SND1: variants seen among roughly 807,000 people sequenced by gnomAD.
The protein encoded by SND1 is staphylococcal nuclease and tudor domain containing 1, also known as staphylococcal nuclease domain-containing protein 1.
SND1 carries 38 observed loss-of-function variants against 121.7 expected under a neutral mutation model. The ratio of observed to expected loss-of-function variants is 0.31; its 90% CI spans 0.24 to 0.41. The LOEUF (loss-of-function observed/expected upper bound fraction) is 0.41, where lower values mean the gene tolerates loss of function less well. Among genes scored for constraint, SND1 ranks in the 10% least tolerant of loss-of-function variants. SND1 has a pLI of 1.00. For missense variants in SND1, 868 were observed against 1,184.6 expected (o/e 0.73, Z 3.92); for synonymous variants, 401 against 447.4 (o/e 0.90, Z 1.31).
chr7:127,954,415 G>T (rs1365692001), intron 15 of SND1, among the ~76,000 whole-genome samples: 1 of 152,080 alleles, frequency 6.6e-6, no homozygotes, highest in Non-Finnish European at 1.5e-5. Context: ...CTTGAGTTGT[G>T]CTTCTCCTTG....
intron 13 of SND1, 25 bp downstream of exon 13, chr7:127,888,037 A>G: frequency 6.6e-7 from 1 of 1,520,978 alleles, no homozygotes; most frequent in East Asian, 2.3e-5. Flanking sequence ...TACTAAACAC[A>G]TGGGGAACCC....
At chr7:128,016,790 A>G (rs1474374664) in intron 16 of SND1, among the ~76,000 whole-genome samples, 1 of 152,144 alleles carries the variant, frequency 6.6e-6, no homozygotes, top group African/African-American at 2.4e-5. Flanking sequence ...TTCCTGTTAC[A>G]ATTGTTACTT....
At chr7:127,707,688 G>T (rs1796224905) in intron 9 of SND1, 41 bp downstream of exon 9, 1 of 1,496,216 alleles carries the variant, frequency 6.7e-7, no homozygotes, top group Admixed American at 1.7e-5. Flanking sequence ...AGTGGACATT[G>T]CCAGGCGAGT....
chr7:127,677,010 G>A (rs1177129675), intron 1 of SND1, among the ~76,000 whole-genome samples: 1 of 152,228 alleles, frequency 6.6e-6, no homozygotes, highest in Non-Finnish European at 1.5e-5. Context: ...CCAAAGTGTT[G>A]GGATTACAGG....
intron 14 of SND1, among the ~76,000 whole-genome samples, chr7:127,927,458 C>T (rs1800864332): frequency 6.6e-6 from 1 of 152,162 alleles, no homozygotes; most frequent in Non-Finnish European, 1.5e-5. Flanking sequence ...GCTTTCTTTC[C>T]CATGGAGCAT....
chr7:127,753,902 G>A (rs1171677287), intron 10 of SND1, among the ~76,000 whole-genome samples: 1 of 152,158 alleles, frequency 6.6e-6, no homozygotes, highest in Non-Finnish European at 1.5e-5. Flanking sequence ...ATCTCAGTGA[G>A]GAAGTAAGAT....
rs777331015 is a variant in SND1 at position 127,801,976 on chromosome 7, G to A, written c.1153-5508G>A. Among the ~76,000 whole-genome samples the A allele has an allele frequency of 8.7e-4, 132 of 152,094 alleles. 2 individuals are homozygous for A. The highest frequency in any genetic ancestry group is 1.6e-4 in the Non-Finnish European group (11 of 68,006). ...CCTGCCTCAGCCTCCCGAGTAGCTGGGACTACAGGCACCCACCACCATGCT... is the reference window on the plus strand; with the variant it reads ...CCTGCCTCAGCCTCCCGAGTAGCTGAGACTACAGGCACCCACCACCATGCT... On this transcript the variant is annotated intron_variant, in intron 10 of 23. Transcript: ENST00000354725.
chr7:127,925,707 G>A (rs1198575086), intron 14 of SND1, among the ~76,000 whole-genome samples: 1 of 151,164 alleles, frequency 6.6e-6, no homozygotes, highest in East Asian at 1.9e-4. Context: ...AGGTTCAAGC[G>A]ATTCTCCTGC....
At chr7:127,974,418 GAC>G (rs1390580134) in intron 15 of SND1, among the ~76,000 whole-genome samples, 1 of 152,164 alleles carries the variant, frequency 6.6e-6, no homozygotes, top group African/African-American at 2.4e-5. Flanking sequence ...CCAAATAGAA[GAC>G]AGAGTTGCTT....
At chr7:127,656,425 C>T (rs576019600) in intron 1 of SND1, among the ~76,000 whole-genome samples, 3 of 151,018 alleles carry the variant, frequency 2.0e-5, no homozygotes, top group Non-Finnish European at 4.4e-5. Flanking sequence ...TGGGTTCAAG[C>T]GATTCTCCTG....
At chr7:127,978,284 A>G (rs1191698531) in intron 15 of SND1, among the ~76,000 whole-genome samples, 1 of 152,238 alleles carries the variant, frequency 6.6e-6, no homozygotes, top group African/African-American at 2.4e-5. Flanking sequence ...TAAATACCAT[A>G]GAACAATCTA....
At chr7:127,672,620 A>G (rs1272201182) in intron 1 of SND1, among the ~76,000 whole-genome samples, 1 of 151,940 alleles carries the variant, frequency 6.6e-6, no homozygotes, top group Non-Finnish European at 1.5e-5. Context: ...CTCAAAAAAA[A>G]AAAAGAAAGA....
In SND1 at chr7:128,029,545, C is replaced by G; in HGVS notation, c.1779+38489C>G. The G allele has an allele frequency of 6.2e-7, 1 of 1,614,084 alleles. No individual in the cohort carries two copies. The highest frequency in any genetic ancestry group is 1.1e-5 in the South Asian group (1 of 91,074). Reference sequence around the variant, plus strand: ...CACTTAAGTTCTGCCATCCGACCCTCAGAAATGTTGAGGTCTCGAGGTGCG... The same window carrying G: ...CACTTAAGTTCTGCCATCCGACCCTGAGAAATGTTGAGGTCTCGAGGTGCG... On this transcript the variant is annotated intron_variant, in intron 16 of 23. Transcript: ENST00000354725. This position sits in a 1 kb window ranked among gnomAD's most constrained non-coding sequence, Gnocchi z 4.2.
At chr7:127,923,781 C>T (rs779201155) in intron 14 of SND1, among the ~76,000 whole-genome samples, 9 of 152,118 alleles carry the variant, frequency 5.9e-5, no homozygotes, top group Non-Finnish European at 8.8e-5. Context: ...ACATAGATAA[C>T]GATGGCAGTG....
chr7:127,748,892 C>T (rs1396264107), intron 10 of SND1, among the ~76,000 whole-genome samples: 1 of 152,080 alleles, frequency 6.6e-6, no homozygotes, highest in Non-Finnish European at 1.5e-5. Flanking sequence ...AGTATAGACT[C>T]ACAGAGAAGC....
chr7:127,722,307 CT>C (rs34026000), intron 10 of SND1, among the ~76,000 whole-genome samples: 360 of 139,256 alleles, frequency 2.6e-3, no homozygotes, highest in Middle Eastern at 3.7e-3. Flanking sequence ...CTACTGCCTG[CT>C]TTTTTTTTTT....
At chr7:127,870,061 C>G (rs1352098394) in intron 12 of SND1, among the ~76,000 whole-genome samples, 1 of 152,164 alleles carries the variant, frequency 6.6e-6, no homozygotes, top group Admixed American at 6.5e-5. Context: ...TGACTTGAGA[C>G]CTGAGTTCTA....
chr7:127,706,464 T>C (rs1420220005), intron 8 of SND1, among the ~76,000 whole-genome samples: 1 of 152,108 alleles, frequency 6.6e-6, no homozygotes, highest in East Asian at 1.9e-4. Flanking sequence ...TTCACCACGT[T>C]GGCCAGGATG....
intron 16 of SND1, among the ~76,000 whole-genome samples, chr7:128,010,226 A>G (rs1051065795): frequency 1.3e-5 from 2 of 152,242 alleles, no homozygotes; most frequent in African/African-American, 4.8e-5. Context: ...GAATCCATTC[A>G]TTAGGATGAC....
Sources: gnomAD v4.1 joint callset for allele counts (sites outside exome capture counted in the v4.1 genomes callset) on GRCh38, gnomAD v4.1.1 for gene constraint, Gnocchi (gnomAD v3.1) non-coding constraint, MANE v1.5 for transcripts, NCBI Gene and HGNC (gene_info 2026-07-23, HGNC 2026-07-21) for gene names.